The following MOCOS variants were observed in gnomAD, a reference collection of about 807,000 sequenced individuals.
The protein encoded by MOCOS is molybdenum cofactor sulfurase.
In MOCOS, 86 loss-of-function variants were observed where a neutral mutation model predicts 83.6. That is an observed-to-expected ratio of 1.03 (90% CI 0.86 to 1.23). MOCOS has a LOEUF of 1.23. MOCOS is among the 50% of genes most tolerant of loss of function. The pLI, the probability that MOCOS is intolerant of heterozygous loss-of-function variation, is 0.00. For synonymous variants in MOCOS, 445 were observed against 434.7 expected (o/e 1.02, Z -0.29); for missense variants, 1,120 against 1,126.9 (o/e 0.99, Z 0.09).
chr18:36,191,260 T>C (rs369517050), intron 1 of MOCOS, among the ~76,000 whole-genome samples: 10 of 152,142 alleles, frequency 6.6e-5, no homozygotes, highest in African/African-American at 4.8e-5. Context: ...TAGTTCTTTA[T>C]AGCAATGTGA....
intron 12 of MOCOS, among the ~76,000 whole-genome samples, chr18:36,257,759 A>G (rs2091648204): frequency 1.3e-5 from 2 of 152,194 alleles, no homozygotes; most frequent in Non-Finnish European, 2.9e-5. Context: ...CCTGGTCCAC[A>G]GGCCAGAGAT....
intron 8 of MOCOS, among the ~76,000 whole-genome samples, chr18:36,219,102 C>T (rs997744284): frequency 1.1e-4 from 17 of 149,438 alleles, no homozygotes; most frequent in South Asian, 4.2e-4. Context: ...CTCCTGACCT[C>T]GTGATCTGCC....
intron 11 of MOCOS, among the ~76,000 whole-genome samples, chr18:36,252,825 G>A (rs868328832): frequency 2.8e-4 from 43 of 152,334 alleles, no homozygotes; most frequent in African/African-American, 9.4e-4. Flanking sequence ...CCCTGAAAGT[G>A]TATGCTATAG....
At chr18:36,255,734 T>C (rs2091639107) in intron 11 of MOCOS, among the ~76,000 whole-genome samples, 1 of 152,170 alleles carries the variant, frequency 6.6e-6, no homozygotes, top group African/African-American at 2.4e-5. Flanking sequence ...ACTCAGTAGG[T>C]CCTGGTCCAG....
intron 1 of MOCOS, among the ~76,000 whole-genome samples, chr18:36,193,280 C>T (rs111680664): frequency 0.15 from 19,953 of 129,544 alleles, 1,633 homozygotes; most frequent in East Asian, 0.35. Context: ...CACTGCAGTC[C>T]GCAGTCCGGC....
chr18:36,260,003 C>T (rs1029443130), intron 12 of MOCOS, 34 bp from the exon 13 acceptor site: 1 of 1,613,436 alleles, frequency 6.2e-7, no homozygotes, highest in East Asian at 2.2e-5. Flanking sequence ...CTGCCATCCT[C>T]CCCCTACTTA....
At chr18:36,191,467 G>A (rs536885650) in intron 1 of MOCOS, among the ~76,000 whole-genome samples, 26 of 152,256 alleles carry the variant, frequency 1.7e-4, no homozygotes, top group African/African-American at 4.8e-5. Context: ...TTTTTGAGAC[G>A]GGGACTTGCT....
At chr18:36,195,160 C>A in intron 1 of MOCOS, 97 bp from the exon 2 acceptor site, 1 of 996,918 alleles carries the variant, frequency 1.0e-6, no homozygotes, top group Non-Finnish European at 1.6e-6. Flanking sequence ...AAGTCAGTGG[C>A]CTGATGTTAC....
At chr18:36,239,755 A>G (rs1288668937) in intron 9 of MOCOS, among the ~76,000 whole-genome samples, 1 of 148,910 alleles carries the variant, frequency 6.7e-6, no homozygotes, top group East Asian at 1.9e-4. Context: ...CATTCTCCCC[A>G]TCACTTTCAG....
At chr18:36,233,655 C>T (rs1003518454) in intron 9 of MOCOS, among the ~76,000 whole-genome samples, 6 of 152,188 alleles carry the variant, frequency 3.9e-5, no homozygotes, top group Admixed American at 6.5e-5. Context: ...TTCCCACCAG[C>T]AGTGTAAAGT....
At position 36,203,172 on chromosome 18, in the gene MOCOS, C is replaced by A; in HGVS notation, c.1001C>A (p.Thr334Asn). The change falls in exon 5 of 15, where the codon ACC (threonine) becomes AAC (asparagine). Residue 334 changes from threonine (T) to asparagine (N), a missense_variant. Thr to Asn is a moderately conservative substitution (Grantham distance 65, BLOSUM62 0). Transcript: ENST00000261326. Reference sequence around the variant, plus strand: ...ATCGCGCTAAAACATGGATTTGACACCCTAGAGCGCCTCACAGGTCAGTGG... The same window carrying A: ...ATCGCGCTAAAACATGGATTTGACAACCTAGAGCGCCTCACAGGTCAGTGG... ...DVIALKHGFD[T>N]LERLTGGMEN... The A allele has an allele frequency of 6.2e-7, 1 of 1,614,084 alleles. No individual in the cohort carries two copies. Among genetic ancestry groups the A allele is most frequent in the Middle Eastern group, 1.6e-4 (1 of 6,062 alleles).
At chr18:36,241,008 C>T (rs2091580321) in intron 9 of MOCOS, among the ~76,000 whole-genome samples, 1 of 152,218 alleles carries the variant, frequency 6.6e-6, no homozygotes, top group Non-Finnish European at 1.5e-5. Context: ...ACGGTGCGTG[C>T]ACCCACTGAC....
intron 13 of MOCOS, among the ~76,000 whole-genome samples, chr18:36,261,755 G>A (rs550532546): frequency 3.2e-4 from 49 of 152,076 alleles, no homozygotes; most frequent in Middle Eastern, 3.4e-3. Flanking sequence ...CCCTCCTGCC[G>A]TTTCCCTCAT....
chr18:36,217,772 A>G (rs1407058684), intron 8 of MOCOS, among the ~76,000 whole-genome samples: 1 of 152,244 alleles, frequency 6.6e-6, no homozygotes, highest in Admixed American at 6.5e-5. Context: ...CTTGTAGCTT[A>G]GGAAATAAGT....
intron 9 of MOCOS, among the ~76,000 whole-genome samples, chr18:36,236,649 T>C (rs1432016740): frequency 8.8e-5 from 12 of 136,566 alleles, no homozygotes; most frequent in Non-Finnish European, 6.3e-5. Context: ...TTTAAAGTAG[T>C]TTTTTCCAAT....
chr18:36,195,721 T>C (rs1437076391), intron 2 of MOCOS, among the ~76,000 whole-genome samples: 3 of 152,236 alleles, frequency 2.0e-5, no homozygotes, highest in Non-Finnish European at 4.4e-5. Flanking sequence ...GCCACTATGA[T>C]GTGTGGGGGA....
intron 8 of MOCOS, among the ~76,000 whole-genome samples, chr18:36,218,837 T>TTTTATTTTA (rs1555652672): frequency 1.6e-3 from 214 of 133,946 alleles, no homozygotes; most frequent in African/African-American, 4.7e-3. Context: ...CTTTATTTTA[T>TTTTATTTTA]TTTATTTATT....
chr18:36,241,800 A>G lies in MOCOS; in HGVS notation c.1961-7122A>G, dbSNP rs537039420. Among the ~76,000 whole-genome samples the G allele has an allele frequency of 7.9e-5, 12 of 152,336 alleles. No individual in the cohort carries two copies. The South Asian group carries it at 2.1e-3, about 26-fold the overall frequency. On this transcript the variant is annotated intron_variant, in intron 9 of 14. Transcript: ENST00000261326. ...AAATCTCAGTTCTTGACTTTTGTGT[A>G]CCCACAGGCCCAATACCACATGGAA...
chr18:36,201,812 T>A (rs1190693687), intron 4 of MOCOS, among the ~76,000 whole-genome samples: 1 of 152,164 alleles, frequency 6.6e-6, no homozygotes, highest in Non-Finnish European at 1.5e-5. Flanking sequence ...AAAACAGGAA[T>A]GCTCATGTAA....
Sources: allele counts gnomAD v4.1 joint callset (sites outside exome capture counted in the v4.1 genomes callset), GRCh38; gene constraint gnomAD v4.1.1; transcripts MANE v1.5; gene names NCBI Gene and HGNC (gene_info 2026-07-23, HGNC 2026-07-21).